The following BANK1 variants were observed in gnomAD, a reference collection of about 807,000 sequenced individuals.
The protein encoded by BANK1 is B cell scaffold protein with ankyrin repeats 1, also known as B-cell scaffold protein with ankyrin repeats.
A neutral mutation model predicts 94.5 loss-of-function variants in BANK1; 95 were observed. The ratio of observed to expected loss-of-function variants is 1.00; its 90% CI spans 0.85 to 1.19. The LOEUF (loss-of-function observed/expected upper bound fraction) is 1.19, where lower values mean the gene tolerates loss of function less well. BANK1 is among the 50% of genes most tolerant of loss of function. The pLI is 0.00. For missense variants in BANK1, 987 were observed against 932.2 expected, an observed-to-expected ratio of 1.06 and a Z score of -0.77; for synonymous variants, 334 against 308.4, an observed-to-expected ratio of 1.08 and a Z score of -0.87.
In BANK1 at chr4:102,021,026, TAA is replaced by T. The variant is rs907300856; in HGVS notation, c.1207-486_1207-485del. ...GTGGAACTGTTTTCAGAAAGACAAATAAAGAGAAGTACCCTTACTGGATTTAT... is the reference window on the plus strand; with the variant it reads ...GTGGAACTGTTTTCAGAAAGACAAATAGAGAAGTACCCTTACTGGATTTAT... On this transcript the variant is annotated intron_variant, in intron 7 of 16. Coordinates refer to ENST00000322953, the MANE Select transcript of BANK1 (RefSeq NM_017935.5). Among the ~76,000 whole-genome samples, 34 of 152,260 alleles carry T rather than the reference TAA, an allele frequency of 2.2e-4. 1 individual carries two copies. Among genetic ancestry groups the T allele is most frequent in the Admixed American group, 1.6e-3 (24 of 15,294 alleles).
intron 5 of BANK1, among the ~76,000 whole-genome samples, chr4:101,871,424 A>C (rs1219785056): frequency 3.9e-5 from 6 of 151,998 alleles, no homozygotes; most frequent in African/African-American, 1.5e-4. Context: ...TTTTTAACAA[A>C]ACTGTCAATG....
intron 7 of BANK1, among the ~76,000 whole-genome samples, chr4:101,990,065 A>G (rs1298755788): frequency 6.6e-6 from 1 of 152,176 alleles, no homozygotes; most frequent in African/African-American, 2.4e-5. Flanking sequence ...TAATTCTCCA[A>G]TCCATTTTGT....
chr4:101,816,128 C>A (rs1349810295), intron 1 of BANK1, among the ~76,000 whole-genome samples: 3 of 152,132 alleles, frequency 2.0e-5, no homozygotes, highest in Admixed American at 1.3e-4. Context: ...ATCTGTAGCT[C>A]TAAAAGTTTT....
intron 5 of BANK1, among the ~76,000 whole-genome samples, chr4:101,890,153 T>G (rs901162429): frequency 6.6e-6 from 1 of 152,150 alleles, no homozygotes; most frequent in African/African-American, 2.4e-5. Context: ...GATGGAGTGG[T>G]CTATGTATGT....
At chr4:101,925,550 T>C (rs1723128460) in intron 7 of BANK1, among the ~76,000 whole-genome samples, 1 of 151,758 alleles carries the variant, frequency 6.6e-6, no homozygotes, top group African/African-American at 2.4e-5. Flanking sequence ...ATAGAGATCC[T>C]TAATACATCA....
intron 7 of BANK1, 30 bp downstream of exon 7, chr4:101,918,219 T>A: frequency 6.9e-7 from 1 of 1,441,572 alleles, no homozygotes; most frequent in Non-Finnish European, 9.4e-7. Flanking sequence ...TATATCTCTG[T>A]ATATTCTGTT....
At chr4:101,902,519 A>G (rs1281359399) in intron 6 of BANK1, among the ~76,000 whole-genome samples, 1 of 152,210 alleles carries the variant, frequency 6.6e-6, no homozygotes, top group Admixed American at 6.5e-5. Context: ...ATATTTTTAA[A>G]GTAGATGATT....
At chr4:101,954,837 G>T (rs1724284005) in intron 7 of BANK1, among the ~76,000 whole-genome samples, 1 of 152,068 alleles carries the variant, frequency 6.6e-6, no homozygotes, top group African/African-American at 2.4e-5. Context: ...CACCAAAAAG[G>T]AATCTTTTAC....
At chr4:102,008,921 G>A (rs549313599) in intron 7 of BANK1, among the ~76,000 whole-genome samples, 4 of 152,272 alleles carry the variant, frequency 2.6e-5, no homozygotes, top group South Asian at 2.1e-4. Context: ...CAAGTTCAGC[G>A]GAGAAAAACG....
chr4:101,908,688 A>G (rs996369218), intron 6 of BANK1, among the ~76,000 whole-genome samples: 3 of 152,220 alleles, frequency 2.0e-5, no homozygotes, highest in East Asian at 1.9e-4. Context: ...AGAATCTACA[A>G]TGAACTCAAA....
intron 7 of BANK1, among the ~76,000 whole-genome samples, chr4:101,926,973 G>A (rs573403730): frequency 6.6e-5 from 10 of 151,856 alleles, no homozygotes; most frequent in East Asian, 5.9e-4. Flanking sequence ...AAGTAAGGCC[G>A]GATCTGTAGG....
chr4:102,028,328 T>C (rs1044171728), intron 9 of BANK1, among the ~76,000 whole-genome samples: 1 of 152,208 alleles, frequency 6.6e-6, no homozygotes, highest in East Asian at 1.9e-4. Context: ...ATATTATTCA[T>C]AGGATAAAAG....
intron 7 of BANK1, among the ~76,000 whole-genome samples, chr4:101,986,855 G>GTATATATGTGTATATATATGTA: frequency 1.3e-5 from 1 of 79,616 alleles, no homozygotes; most frequent in African/African-American, 5.8e-5. Context: ...GTATATATAT[G>GTATATATGTGTATATATATGTA]TATATATATA....
At chr4:101,890,482 G>A (rs1578380918) in intron 5 of BANK1, among the ~76,000 whole-genome samples, 1 of 150,220 alleles carries the variant, frequency 6.7e-6, no homozygotes, top group Non-Finnish European at 1.5e-5. Context: ...AGCCATTTTT[G>A]CTTTCCTTTG....
At chr4:101,900,417 T>C (rs1722239272) in intron 6 of BANK1, among the ~76,000 whole-genome samples, 1 of 152,172 alleles carries the variant, frequency 6.6e-6, no homozygotes, top group Non-Finnish European at 1.5e-5. Context: ...AGACAAAATA[T>C]TACTCTTGCT....
At chr4:101,832,782 C>CCA (rs1726670683) in intron 2 of BANK1, among the ~76,000 whole-genome samples, 1 of 152,088 alleles carries the variant, frequency 6.6e-6, no homozygotes, top group Non-Finnish European at 1.5e-5. Context: ...TTACAATTTT[C>CCA]AACTTTGTTT....
At chr4:101,994,312 T>C (rs1420137675) in intron 7 of BANK1, among the ~76,000 whole-genome samples, 1 of 152,208 alleles carries the variant, frequency 6.6e-6, no homozygotes, top group East Asian at 1.9e-4. Flanking sequence ...GAAATGCTTA[T>C]TGTATTCACA....
chr4:102,044,193 C>A (rs1727798532), intron 11 of BANK1, among the ~76,000 whole-genome samples: 1 of 152,134 alleles, frequency 6.6e-6, no homozygotes, highest in Non-Finnish European at 1.5e-5. Context: ...CCCCTCACCC[C>A]ACAACAGTCC....
chr4:101,954,992 A>G (rs949535383), intron 7 of BANK1, among the ~76,000 whole-genome samples: 19 of 152,142 alleles, frequency 1.2e-4, no homozygotes, highest in African/African-American at 4.6e-4. Context: ...TAAATTAATT[A>G]ATGAAAAGAA....
Sources: allele counts gnomAD v4.1 joint callset (sites outside exome capture counted in the v4.1 genomes callset), GRCh38; gene constraint gnomAD v4.1.1; transcripts MANE v1.5; gene names NCBI Gene and HGNC (gene_info 2026-07-23, HGNC 2026-07-21).